RALGPS2: variants seen among roughly 807,000 people sequenced by gnomAD.
The protein encoded by RALGPS2 is Ral GEF with PH domain and SH3 binding motif 2, also known as ras-specific guanine nucleotide-releasing factor RalGPS2.
In RALGPS2, 43 loss-of-function variants were observed where a neutral mutation model predicts 86.8. The ratio of observed to expected loss-of-function variants is 0.50; its 90% CI spans 0.39 to 0.64. RALGPS2 has a LOEUF of 0.64. Among genes scored for constraint, RALGPS2 ranks in the 30% least tolerant of loss-of-function variants. RALGPS2 has a pLI of 0.00. For missense variants in RALGPS2, 536 were observed against 694.6 expected (o/e 0.77, Z 2.57); for synonymous variants, 243 against 231.3 (o/e 1.05, Z -0.46).
At chr1:178,820,547 A>G (rs1168273770) in intron 6 of RALGPS2, among the ~76,000 whole-genome samples, 1 of 152,200 alleles carries the variant, frequency 6.6e-6, no homozygotes, top group African/African-American at 2.4e-5. Flanking sequence ...AGACAAAGTT[A>G]GGGGCTGATT....
At chr1:178,863,361 A>G (rs960528125) in intron 8 of RALGPS2, among the ~76,000 whole-genome samples, 2 of 150,394 alleles carry the variant, frequency 1.3e-5, no homozygotes, top group African/African-American at 5.0e-5. Flanking sequence ...GTCTTCCAGA[A>G]GCATTCAGAC....
intron 16 of RALGPS2, among the ~76,000 whole-genome samples, chr1:178,894,789 C>A (rs1659869277): frequency 6.6e-6 from 1 of 151,974 alleles, no homozygotes; most frequent in South Asian, 2.1e-4. Context: ...ATATAGATTT[C>A]TGTTAAATCA....
At chr1:178,817,639 G>A (rs1655297429) in intron 6 of RALGPS2, among the ~76,000 whole-genome samples, 1 of 152,048 alleles carries the variant, frequency 6.6e-6, no homozygotes, top group Non-Finnish European at 1.5e-5. Context: ...GAAGTAGCTT[G>A]TCAATTTCTA....
At chr1:178,792,690 C>T (rs538083982) in intron 4 of RALGPS2, among the ~76,000 whole-genome samples, 30 of 152,150 alleles carry the variant, frequency 2.0e-4, no homozygotes, top group Non-Finnish European at 3.7e-4. Context: ...GCCCAAGCTG[C>T]GTGACCAAAT....
chr1:178,906,374 CA>C (rs553692347), intron 18 of RALGPS2, among the ~76,000 whole-genome samples: 112 of 136,132 alleles, frequency 8.2e-4, no homozygotes, highest in Non-Finnish European at 7.4e-4. Context: ...GACTCCATCT[CA>C]AAAAAAAAAA....
At position 178,865,488 on chromosome 1, in the gene RALGPS2, G is replaced by A. The variant is rs200626359; in HGVS notation, c.608-12010G>A. The A allele has an allele frequency of 5.0e-5, 80 of 1,613,922 alleles. 1 individual carries two copies. Among genetic ancestry groups the A allele is most frequent in the East Asian group, 2.0e-4 (9 of 44,876 alleles). The stretch of plus-strand genomic sequence containing the variant: ...ACCAGTTGCAGAACATCTATCTCCC[G>A]CTTCTGCCTGGAGAGCACATCCTTC... On this transcript the variant is annotated intron_variant, in intron 8 of 19. Coordinates refer to ENST00000367635, the MANE Select transcript of RALGPS2 (RefSeq NM_152663.5).
intron 6 of RALGPS2, among the ~76,000 whole-genome samples, chr1:178,815,906 T>C (rs1218976349): frequency 2.0e-5 from 3 of 152,236 alleles, no homozygotes; most frequent in East Asian, 3.8e-4. Flanking sequence ...TTCATCCACA[T>C]TGCATGTTAT....
Position 178,785,644 on chromosome 1 carries a change from A to G in RALGPS2, c.213+37A>G. The G allele has an allele frequency of 2.0e-6, 3 of 1,538,124 alleles. No homozygotes were observed. The South Asian group carries it at 3.8e-5, about 20-fold the overall frequency. On this transcript the variant is annotated intron_variant, in intron 4 of 19. Coordinates refer to ENST00000367635, the MANE Select transcript of RALGPS2 (RefSeq NM_152663.5). ...TGAGAATGTTCCTTTTAAATATAGA[A>G]AACGATCAATCTCAAATTAAGTGTT...
At chr1:178,776,153 T>C (rs542454827) in intron 1 of RALGPS2, among the ~76,000 whole-genome samples, 2 of 152,312 alleles carry the variant, frequency 1.3e-5, no homozygotes, top group African/African-American at 4.8e-5. Context: ...TTGGTATCTA[T>C]AGTAGATCCT....
At chr1:178,770,156 A>AC (rs1044758552) in intron 1 of RALGPS2, among the ~76,000 whole-genome samples, 1 of 151,828 alleles carries the variant, frequency 6.6e-6, no homozygotes, top group African/African-American at 2.4e-5. Flanking sequence ...AGCTGGGACT[A>AC]CAGGTGCACA....
chr1:178,889,743 G>A (rs371811362), intron 14 of RALGPS2, 47 bp downstream of exon 14: 1 of 1,360,690 alleles, frequency 7.3e-7, no homozygotes, highest in Admixed American at 1.9e-5. Flanking sequence ...ATTTTGTCTG[G>A]GTTAAATAAT....
At chr1:178,770,862 G>A (rs1346595538) in intron 1 of RALGPS2, among the ~76,000 whole-genome samples, 1 of 142,206 alleles carries the variant, frequency 7.0e-6, no homozygotes, top group Non-Finnish European at 1.5e-5. Context: ...TTTTGAGACG[G>A]AGTTTTGCTC....
Position 178,726,873 on chromosome 1 carries a change from G to A in RALGPS2, c.-84+1454G>A, listed in dbSNP as rs576114671. Among the ~76,000 whole-genome samples the A allele has an allele frequency of 8.5e-5, 13 of 152,270 alleles. No individual in the cohort carries two copies. In the South Asian group the frequency reaches 2.7e-3, roughly 32 times the overall value. On this transcript the variant is annotated intron_variant, in intron 1 of 19. Transcript: ENST00000367635. The stretch of plus-strand genomic sequence containing the variant: ...TCATTATAAAGCCTGTTCCACTCAA[G>A]ATCATTATGCTTGTACAAGTGCTAT...
intron 1 of RALGPS2, among the ~76,000 whole-genome samples, chr1:178,735,698 T>C (rs1650651519): frequency 6.6e-6 from 1 of 151,262 alleles, no homozygotes; most frequent in Non-Finnish European, 1.5e-5. Context: ...ACAGAATACC[T>C]TAGATATATG....
chr1:178,813,898 C>T (rs1572358804), intron 6 of RALGPS2, among the ~76,000 whole-genome samples: 1 of 152,040 alleles, frequency 6.6e-6, no homozygotes, highest in Non-Finnish European at 1.5e-5. Context: ...GATTAGGGTT[C>T]GATTAAATAA....
rs1187924150 is a variant in RALGPS2 at position 178,747,738 on chromosome 1, TTGA to T, written c.-84+22322_-84+22324del. 4.7e-5 allele frequency: 54 copies of T among 1,157,270 alleles called. No individual in the cohort carries two copies. In the Admixed American group the frequency reaches 9.1e-4, roughly 19 times the overall value. The allele number at this position is 1,157,270 out of a possible 1,614,324, so 71.7% of individuals were successfully genotyped here. A position where few individuals can be genotyped will look rare whatever the true frequency, so the allele number is the denominator to read the frequency against. On this transcript the variant is annotated intron_variant, in intron 1 of 19. Transcript: ENST00000367635. Reference sequence around the variant, plus strand: ...AGCATCCAACTCCTTGAACTCCCACTTGATGGTGGTGGGCATGGCAGCAGGAGC... The same window carrying T: ...AGCATCCAACTCCTTGAACTCCCACTTGGTGGTGGGCATGGCAGCAGGAGC...
chr1:178,902,548 C>T (rs1432391099), intron 18 of RALGPS2, among the ~76,000 whole-genome samples: 1 of 151,958 alleles, frequency 6.6e-6, no homozygotes, highest in Non-Finnish European at 1.5e-5. Context: ...GAATATATAC[C>T]CCATTGTTAC....
intron 1 of RALGPS2, among the ~76,000 whole-genome samples, chr1:178,749,946 C>CA (rs989272346): frequency 1.3e-5 from 2 of 151,646 alleles, no homozygotes; most frequent in Admixed American, 1.3e-4. Flanking sequence ...ACAACAACAA[C>CA]ACACACACAC....
chr1:178,913,728 TG>T (rs932935941), intron 19 of RALGPS2, among the ~76,000 whole-genome samples: 2 of 152,220 alleles, frequency 1.3e-5, no homozygotes, highest in Non-Finnish European at 2.9e-5. Flanking sequence ...GCTTCCTTTC[TG>T]GATGTCTTCA....
Sources: gnomAD v4.1 joint callset for allele counts (sites outside exome capture counted in the v4.1 genomes callset) on GRCh38, gnomAD v4.1.1 for gene constraint, MANE v1.5 for transcripts, NCBI Gene and HGNC (gene_info 2026-07-23, HGNC 2026-07-21) for gene names.